PCSK2: variants seen among roughly 807,000 people sequenced by gnomAD.
PCSK2 encodes the protein neuroendocrine convertase 2.
Under a neutral mutation model 69.7 loss-of-function variants are expected in PCSK2, and 14 were observed. The observed-to-expected ratio is 0.20, with a 90% confidence interval of 0.13 to 0.31. The LOEUF is 0.31. Ranked by LOEUF, PCSK2 falls within the 10% of genes least tolerant of loss-of-function variation. The pLI, the probability that PCSK2 is intolerant of heterozygous loss-of-function variation, is 1.00. For synonymous variants in PCSK2, 307 were observed against 320.7 expected (o/e 0.96, Z 0.46); for missense variants, 544 against 842.5 (o/e 0.65, Z 4.39).
At chr20:17,283,098 G>A (rs1360142244) in intron 2 of PCSK2, among the ~76,000 whole-genome samples, 4 of 152,122 alleles carry the variant, frequency 2.6e-5, no homozygotes, top group Non-Finnish European at 4.4e-5. Flanking sequence ...TAGCAACTGG[G>A]CAGGGAATCC....
intron 2 of PCSK2, among the ~76,000 whole-genome samples, chr20:17,286,295 T>C (rs1988507643): frequency 6.6e-6 from 1 of 152,176 alleles, no homozygotes; most frequent in African/African-American, 2.4e-5. Flanking sequence ...ATCAACATAA[T>C]AGTGTATAAC....
chr20:17,421,635 T>C (rs1013274617), intron 6 of PCSK2, among the ~76,000 whole-genome samples: 15 of 152,066 alleles, frequency 9.9e-5, no homozygotes, highest in Admixed American at 5.9e-4. Flanking sequence ...GACAGCCTCA[T>C]GTGCATGAAC....
intron 8 of PCSK2, among the ~76,000 whole-genome samples, chr20:17,451,915 CT>C (rs34323701): frequency 0.017 from 1,698 of 101,566 alleles, 6 homozygotes; most frequent in Non-Finnish European, 0.023. Context: ...TTGTACTTTG[CT>C]TTTTTTTTTT....
At chr20:17,251,841 T>C (rs543822284) in intron 1 of PCSK2, among the ~76,000 whole-genome samples, 1 of 152,302 alleles carries the variant, frequency 6.6e-6, no homozygotes, top group South Asian at 2.1e-4. Context: ...ACTCAACAGC[T>C]AGAGGATGAC....
intron 2 of PCSK2, among the ~76,000 whole-genome samples, chr20:17,290,300 G>T (rs56089767): frequency 0.018 from 2,777 of 152,232 alleles, 88 homozygotes; most frequent in African/African-American, 0.064. Flanking sequence ...TTTGGGAAGT[G>T]CTCCACTTTT....
intron 5 of PCSK2, among the ~76,000 whole-genome samples, chr20:17,395,348 AC>A (rs1478386702): frequency 2.0e-5 from 3 of 152,230 alleles, no homozygotes; most frequent in Non-Finnish European, 4.4e-5. Context: ...ATTTAATACA[AC>A]TTAGGTCTTA....
At chr20:17,471,836 C>T (rs750231795) in intron 11 of PCSK2, among the ~76,000 whole-genome samples, 1 of 152,216 alleles carries the variant, frequency 6.6e-6, no homozygotes, top group Non-Finnish European at 1.5e-5. Context: ...ACGAAGCACA[C>T]TCGAGGAGCG....
intron 6 of PCSK2, among the ~76,000 whole-genome samples, chr20:17,416,677 T>C (rs1314676312): frequency 6.6e-6 from 1 of 152,198 alleles, no homozygotes; most frequent in Non-Finnish European, 1.5e-5. Context: ...ACTGGATATA[T>C]ACCCAAAGGA....
intron 11 of PCSK2, among the ~76,000 whole-genome samples, chr20:17,467,974 A>G (rs4290721): frequency 0.098 from 14,962 of 152,350 alleles, 821 homozygotes; most frequent in Non-Finnish European, 0.12. Context: ...AGCCTAAAAT[A>G]TCCTCCAATG....
chr20:17,354,414 A>G (rs2030124602), intron 2 of PCSK2, among the ~76,000 whole-genome samples: 1 of 152,170 alleles, frequency 6.6e-6, no homozygotes, highest in Non-Finnish European at 1.5e-5. Flanking sequence ...AAATTCAGAG[A>G]AGGAGGAAGA....
intron 8 of PCSK2, among the ~76,000 whole-genome samples, chr20:17,438,283 T>C (rs542440456): frequency 6.6e-6 from 1 of 152,356 alleles, no homozygotes; most frequent in Admixed American, 6.5e-5. Flanking sequence ...GTACAGTCTG[T>C]TTATGGAAAA....
chr20:17,384,372 G>A lies in PCSK2; in HGVS notation c.543+15095G>A, dbSNP rs2031173327. 3.3e-5 allele frequency among the ~76,000 whole-genome samples: 5 copies of A among 150,174 alleles called. No homozygotes were observed. In the South Asian group the frequency reaches 1.1e-3, roughly 32 times the overall value. Reference sequence around the variant, plus strand: ...GGAGGCCGAGGTGGGTGGATCACCTGAGGTCAGGAGTTTGAGACCAGCCTG... The same window carrying A: ...GGAGGCCGAGGTGGGTGGATCACCTAAGGTCAGGAGTTTGAGACCAGCCTG... On this transcript the variant is annotated intron_variant, in intron 5 of 11. Transcript: ENST00000262545.
intron 6 of PCSK2, among the ~76,000 whole-genome samples, chr20:17,421,133 C>T (rs1224149845): frequency 6.6e-6 from 1 of 152,204 alleles, no homozygotes; most frequent in East Asian, 1.9e-4. Context: ...ATTCTAGTGC[C>T]TGTGTTTCTG....
chr20:17,274,908 A>AC (rs1240668248), intron 2 of PCSK2, among the ~76,000 whole-genome samples: 1 of 151,686 alleles, frequency 6.6e-6, no homozygotes, highest in Non-Finnish European at 1.5e-5. Flanking sequence ...AAGACACTAC[A>AC]CCCCAGCAGT....
At chr20:17,438,803 C>G (rs1338248614) in intron 8 of PCSK2, among the ~76,000 whole-genome samples, 4 of 152,248 alleles carry the variant, frequency 2.6e-5, no homozygotes, top group African/African-American at 9.6e-5. Flanking sequence ...CTGTTTGCCT[C>G]CAACAGGGAG....
At chr20:17,324,694 T>C (rs1293304620) in intron 2 of PCSK2, among the ~76,000 whole-genome samples, 1 of 152,054 alleles carries the variant, frequency 6.6e-6, no homozygotes, top group Non-Finnish European at 1.5e-5. Context: ...CTCTAACCAG[T>C]ATGTACCCTC....
chr20:17,438,939 G>A (rs574342860), intron 8 of PCSK2, among the ~76,000 whole-genome samples: 1 of 152,280 alleles, frequency 6.6e-6, no homozygotes, highest in Admixed American at 6.5e-5. Flanking sequence ...TTGCTCGCAG[G>A]TTGCTCCTGA....
intron 7 of PCSK2, among the ~76,000 whole-genome samples, chr20:17,435,137 G>C (rs2032457789): frequency 6.6e-6 from 1 of 152,174 alleles, no homozygotes; most frequent in Non-Finnish European, 1.5e-5. Context: ...GTTAATAGTA[G>C]AAGATGGATA....
At chr20:17,317,184 G>C (rs1989715206) in intron 2 of PCSK2, among the ~76,000 whole-genome samples, 1 of 152,102 alleles carries the variant, frequency 6.6e-6, no homozygotes. Flanking sequence ...TTCTCTCTCA[G>C]TTCCCAAACT....
Sources: gnomAD v4.1 joint callset for allele counts (sites outside exome capture counted in the v4.1 genomes callset) on GRCh38, gnomAD v4.1.1 for gene constraint, MANE v1.5 for transcripts, NCBI Gene and HGNC (gene_info 2026-07-23, HGNC 2026-07-21) for gene names.